NFX1: variants seen among roughly 807,000 people sequenced by gnomAD.
NFX1 encodes the protein transcriptional repressor NF-X1.
NFX1 carries 69 observed loss-of-function variants against 137.2 expected under a neutral mutation model. That is an observed-to-expected ratio of 0.50 (90% CI 0.41 to 0.61). The LOEUF (loss-of-function observed/expected upper bound fraction) is 0.61, where lower values mean the gene tolerates loss of function less well. Among genes scored for constraint, NFX1 ranks in the 20% least tolerant of loss-of-function variants. NFX1 has a pLI of 0.00. For missense variants in NFX1, 1,167 were observed against 1,391.0 expected (o/e 0.84, Z 2.56); for synonymous variants, 495 against 474.1 (o/e 1.04, Z -0.57).
chr9:33,326,183 T>G (rs1223930033), intron 9 of NFX1, among the ~76,000 whole-genome samples: 3 of 151,990 alleles, frequency 2.0e-5, no homozygotes, highest in Admixed American at 2.0e-4. Flanking sequence ...GAGGCCAAGG[T>G]GGGCAGATCA....
At chr9:33,368,969 T>C (rs769528318) in intron 23 of NFX1, among the ~76,000 whole-genome samples, 1 of 152,164 alleles carries the variant, frequency 6.6e-6, no homozygotes, top group Non-Finnish European at 1.5e-5. Flanking sequence ...TTTGGAAACA[T>C]GAGGGGTTTT....
rs1403817802 is a variant in NFX1, at chr9:33,294,460, T to C, written c.66T>C (p.Pro22=). ...KFNTDAAEFI[P]QEKKNSGLNC... ...ATACAGATGCTGCTGAATTCATTCC[T>C]CAGGAGAAAAAAAATTCTGGTCTAA... The change falls in exon 2 of 24, where the codon CCT becomes CCC. Residue 22 remains proline (P), a synonymous_variant. Coordinates refer to ENST00000379540, the MANE Select transcript of NFX1 (RefSeq NM_002504.6). 3.1e-6 allele frequency: 5 copies of C among 1,602,614 alleles called. No individual in the cohort carries two copies. Among genetic ancestry groups the C allele is most frequent in the Non-Finnish European group, 4.3e-6 (5 of 1,175,958 alleles).
At chr9:33,331,717 A>G (rs1034883374) in intron 10 of NFX1, among the ~76,000 whole-genome samples, 3 of 146,856 alleles carry the variant, frequency 2.0e-5, no homozygotes, top group Non-Finnish European at 4.5e-5. Context: ...TTTCAGGATA[A>G]TTTTTACGAA....
intron 12 of NFX1, among the ~76,000 whole-genome samples, chr9:33,342,145 C>A (rs1372818583): frequency 6.6e-6 from 1 of 150,834 alleles, no homozygotes; most frequent in South Asian, 2.1e-4. Flanking sequence ...CACACACACA[C>A]ACACACGATG....
chr9:33,361,484 A>G (rs1564149296), intron 19 of NFX1, among the ~76,000 whole-genome samples: 1 of 152,096 alleles, frequency 6.6e-6, no homozygotes, highest in Non-Finnish European at 1.5e-5. Flanking sequence ...TTAAAATTAT[A>G]GAGAAAGGCT....
intron 7 of NFX1, among the ~76,000 whole-genome samples, chr9:33,316,825 A>T (rs956100845): frequency 1.3e-5 from 2 of 152,152 alleles, no homozygotes; most frequent in Admixed American, 6.5e-5. Flanking sequence ...TCTCGTGCCT[A>T]GGAGAGCTTT....
chr9:33,370,824 G>A lies in NFX1; in HGVS notation c.*846G>A, dbSNP rs1824304022. On this transcript the variant is annotated 3_prime_UTR_variant, in exon 24 of 24. Coordinates refer to ENST00000379540, the MANE Select transcript of NFX1 (RefSeq NM_002504.6). ...GAGAAAGAGTCTCAAATGGACAACT[G>A]TCCTGTGTTGCTTTCCCTAGGCCTT... 6.6e-6 allele frequency: 1 copy of A among 152,312 alleles called. No homozygotes were observed. 9.4% of individuals were successfully genotyped at this position (152,312 alleles called of 1,614,324 possible).
At chr9:33,335,227 CTTTT>C (rs57459026) in intron 11 of NFX1, among the ~76,000 whole-genome samples, 2 of 130,508 alleles carry the variant, frequency 1.5e-5, no homozygotes, top group Non-Finnish European at 3.2e-5. Context: ...CTTTCTTTTT[CTTTT>C]TTTTTTTTTT....
chr9:33,345,018 C>T (rs1370964720), intron 14 of NFX1, among the ~76,000 whole-genome samples: 1 of 150,642 alleles, frequency 6.6e-6, no homozygotes, highest in Non-Finnish European at 1.5e-5. Context: ...AAAAGTTAGC[C>T]AGGCATTGTG....
At chr9:33,326,273 T>G (rs1822584396) in intron 9 of NFX1, among the ~76,000 whole-genome samples, 1 of 151,780 alleles carries the variant, frequency 6.6e-6, no homozygotes, top group Admixed American at 6.6e-5. Context: ...ATTAGTGTGG[T>G]GTGGTGGCAT....
chr9:33,353,545 G>A (rs1172178215), intron 17 of NFX1, among the ~76,000 whole-genome samples: 2 of 152,162 alleles, frequency 1.3e-5, no homozygotes, highest in Non-Finnish European at 2.9e-5. Context: ...TGCTCTAGGG[G>A]ATACTGAGGG....
intron 1 of NFX1, among the ~76,000 whole-genome samples, chr9:33,291,530 C>T (rs929212766): frequency 1.1e-4 from 17 of 152,170 alleles, no homozygotes; most frequent in African/African-American, 4.8e-5. Context: ...CCTGACCAGC[C>T]GTTGGGGCAC....
Position 33,309,141 on chromosome 9 carries a change from A to G in NFX1, c.1376+1842A>G, listed in dbSNP as rs573325622. On this transcript the variant is annotated intron_variant, in intron 5 of 23. Coordinates refer to ENST00000379540, the MANE Select transcript of NFX1 (RefSeq NM_002504.6). ...GGGAGGCCAAGGCGGGTGGATCACG[A>G]GGCCAGGAGATCGAGACCATCCTGG... 8.5e-5 allele frequency among the ~76,000 whole-genome samples: 13 copies of G among 152,268 alleles called. No homozygotes were observed. The South Asian group carries it at 2.7e-3, about 32-fold the overall frequency.
At chr9:33,338,927 G>T (rs903474110) in intron 12 of NFX1, among the ~76,000 whole-genome samples, 2 of 152,132 alleles carry the variant, frequency 1.3e-5, no homozygotes, top group Non-Finnish European at 2.9e-5. Flanking sequence ...ACACAAACTG[G>T]CCTGGACTTA....
In NFX1 at chr9:33,366,848, T is replaced by C. The variant is rs1479079650; in HGVS notation, c.3185+74T>C. On this transcript the variant is annotated intron_variant, in intron 22 of 23. Transcript: ENST00000379540. Reference sequence around the variant, plus strand: ...GGACCCAAGAAGCAGGGTCTGTCAATACTTGTCTTTCTTACTACCACTCTC... The same window carrying C: ...GGACCCAAGAAGCAGGGTCTGTCAACACTTGTCTTTCTTACTACCACTCTC... The C allele has an allele frequency of 3.3e-6, 5 of 1,515,192 alleles. No homozygotes were observed. In the African/African-American group the frequency reaches 6.9e-5, roughly 21 times the overall value. 93.9% of individuals were successfully genotyped at this position (1,515,192 alleles called of 1,614,324 possible).
At chr9:33,354,626 C>T (rs1242910356) in intron 18 of NFX1, among the ~76,000 whole-genome samples, 2 of 152,208 alleles carry the variant, frequency 1.3e-5, no homozygotes, top group Non-Finnish European at 2.9e-5. Flanking sequence ...GGACCTCATC[C>T]AGCCATTCCT....
chr9:33,355,161 C>A (rs1346351760), intron 19 of NFX1, among the ~76,000 whole-genome samples: 1 of 152,164 alleles, frequency 6.6e-6, no homozygotes, highest in Non-Finnish European at 1.5e-5. Flanking sequence ...AGGGACTGGC[C>A]AACTTCCTGA....
chr9:33,353,978 C>A, intron 17 of NFX1, 108 bp from the exon 18 acceptor site: 4 of 1,021,446 alleles, frequency 3.9e-6, no homozygotes, highest in Non-Finnish European at 5.6e-6. Flanking sequence ...GCGTGAGCCA[C>A]CACACCTGGC....
intron 17 of NFX1, among the ~76,000 whole-genome samples, chr9:33,353,282 G>A (rs1366287287): frequency 6.6e-6 from 1 of 152,196 alleles, no homozygotes; most frequent in African/African-American, 2.4e-5. Context: ...CATTGACACA[G>A]CCAGGGCTAA....
Sources: gnomAD v4.1 joint callset for allele counts (sites outside exome capture counted in the v4.1 genomes callset) on GRCh38, gnomAD v4.1.1 for gene constraint, MANE v1.5 for transcripts, NCBI Gene and HGNC (gene_info 2026-07-23, HGNC 2026-07-21) for gene names.